The following MLF1 variants were observed in gnomAD, a reference collection of about 807,000 sequenced individuals.
MLF1 encodes myelodysplasia-myeloid leukemia factor 1.
Under a neutral mutation model 38.3 loss-of-function variants are expected in MLF1, and 37 were observed. The ratio of observed to expected loss-of-function variants is 0.96; its 90% CI spans 0.74 to 1.27. The LOEUF is 1.27. MLF1 is among the 50% of genes most tolerant of loss of function. The probability of loss-of-function intolerance (pLI) is 0.00; values close to 1 mark genes in which losing one functional copy is unlikely to be tolerated. For missense variants in MLF1, 331 were observed against 349.2 expected, an observed-to-expected ratio of 0.95 and a Z score of 0.42; for synonymous variants, 95 against 106.5, an observed-to-expected ratio of 0.89 and a Z score of 0.66.
At chr3:158,571,501 AG>A (rs1359653299) in intron 1 of MLF1, 154 bp downstream of exon 1, 2 of 855,114 alleles carry the variant, frequency 2.3e-6, no homozygotes, top group African/African-American at 3.4e-5. Context: ...GAGGCCTGGG[AG>A]GGAAGAGAGA....
chr3:158,592,454 G>A lies in MLF1; in HGVS notation c.68G>A (p.Arg23Gln), dbSNP rs766876516. Residue 23 changes from arginine (R) to glutamine (Q), a missense_variant, in exon 2 of 8, where the codon CGA (arginine) becomes CAA (glutamine). Physicochemically the swap from Arg to Gln is conservative, Grantham distance 43 (BLOSUM62 1). Transcript: ENST00000466246. ...PFFSESILAH[R>Q]ENMRQMIRSF... ...AACAGTGAGTCCATTCTTGCACACC[G>A]AGAAAATATGCGACAGATGATAAGA... 3.9e-5 allele frequency: 62 copies of A among 1,607,386 alleles called. No individual in the cohort carries two copies. Among genetic ancestry groups the A allele is most frequent in the East Asian group, 3.8e-4 (17 of 44,708 alleles).
At chr3:158,583,683 C>T (rs1239372705) in intron 1 of MLF1, among the ~76,000 whole-genome samples, 2 of 152,190 alleles carry the variant, frequency 1.3e-5, no homozygotes, top group African/African-American at 2.4e-5. Context: ...AATTCAATTC[C>T]GTGGAAGTAA....
intron 1 of MLF1, among the ~76,000 whole-genome samples, chr3:158,584,186 T>A (rs187252839): frequency 2.4e-3 from 368 of 152,066 alleles, no homozygotes; most frequent in African/African-American, 8.6e-3. Context: ...GGGAGAGAAG[T>A]CCCCAAAAGG....
chr3:158,586,164 CAA>C (rs11297914), intron 1 of MLF1, among the ~76,000 whole-genome samples: 102 of 125,098 alleles, frequency 8.2e-4, no homozygotes, highest in African/African-American at 1.4e-3. Flanking sequence ...AACTCTGTCT[CAA>C]AAAAAAAAAA....
At chr3:158,590,177 C>G (rs1280083644) in intron 1 of MLF1, among the ~76,000 whole-genome samples, 6 of 152,140 alleles carry the variant, frequency 3.9e-5, no homozygotes, top group Admixed American at 3.3e-4. Flanking sequence ...ATAAAGAACT[C>G]TTATAACCTG....
chr3:158,600,109 A>C lies in MLF1; in HGVS notation c.549A>C (p.Lys183Asn). The part of the protein sequence containing the change: ...HHIHDRAHVI[K>N]KSKNKKTGDE... Reference sequence around the variant, plus strand: ...TCCATGACCGAGCTCATGTCATTAAAAAGTCAAAGAACAAGAAGACTGGAG... The same window carrying C: ...TCCATGACCGAGCTCATGTCATTAACAAGTCAAAGAACAAGAAGACTGGAG... The change falls in exon 6 of 8, where the codon AAA becomes AAC. Residue 183 changes from lysine to asparagine, a missense_variant. By Grantham distance (94) the Lys-to-Asn change is moderately conservative (BLOSUM62 0). Transcript: ENST00000466246. 6.7e-7 allele frequency: 1 copy of C among 1,483,340 alleles called. No individual in the cohort carries two copies. Among genetic ancestry groups the C allele is most frequent in the Non-Finnish European group, 9.0e-7 (1 of 1,109,448 alleles). 91.9% of individuals were successfully genotyped at this position (1,483,340 alleles called of 1,614,324 possible). A position where few individuals can be genotyped will look rare whatever the true frequency, so the allele number is the denominator to read the frequency against.
chr3:158,587,714 G>A (rs1717446311), intron 1 of MLF1, among the ~76,000 whole-genome samples: 1 of 152,224 alleles, frequency 6.6e-6, no homozygotes, highest in African/African-American at 2.4e-5. Context: ...AAAAGAGCAT[G>A]GCTTGGCCTG....
intron 6 of MLF1, 57 bp downstream of exon 6, chr3:158,600,230 CTT>C (rs929414646): frequency 1.7e-4 from 183 of 1,085,548 alleles, no homozygotes; most frequent in Non-Finnish European, 1.8e-4. Context: ...AACAGCCGTA[CTT>C]GATGAATTTT....
At chr3:158,590,109 T>A (rs1325226641) in intron 1 of MLF1, among the ~76,000 whole-genome samples, 2 of 152,178 alleles carry the variant, frequency 1.3e-5, no homozygotes, top group African/African-American at 4.8e-5. Flanking sequence ...AAAAGGCAAG[T>A]CCAAGACTGG....
At position 158,571,325 on chromosome 3, in the gene MLF1, T is replaced by A; in HGVS notation, c.25T>A (p.Phe9Ile). Residue 9 changes from phenylalanine (F) to isoleucine (I), a missense_variant, in exon 1 of 8, where the codon TTT becomes ATT. Phe to Ile is a conservative substitution (Grantham distance 21). Transcript: ENST00000466246. MFRMLNSS[F>I]EDDPFFSESI... ...AATGTTCAGGATGCTGAACAGCAGT[T>A]TTGAGGATGACCCCTTCTTCTCGTG... is the stretch of plus-strand genomic sequence containing the variant. The A allele has an allele frequency of 6.2e-7, 1 of 1,612,748 alleles. No individual in the cohort carries two copies.
intron 3 of MLF1, among the ~76,000 whole-genome samples, chr3:158,594,310 G>A (rs1718584151): frequency 6.6e-6 from 1 of 152,108 alleles, no homozygotes; most frequent in African/African-American, 2.4e-5. Context: ...CAGAAAAGGA[G>A]GGAGGGGAAA....
chr3:158,584,018 T>C (rs1716821506), intron 1 of MLF1, among the ~76,000 whole-genome samples: 1 of 152,136 alleles, frequency 6.6e-6, no homozygotes, highest in Non-Finnish European at 1.5e-5. Context: ...AAAGCAGATA[T>C]ATGCTGGAGA....
intron 1 of MLF1, among the ~76,000 whole-genome samples, chr3:158,576,409 T>A (rs1047175114): frequency 2.2e-4 from 34 of 152,320 alleles, no homozygotes; most frequent in African/African-American, 6.7e-4. Context: ...TAAGTACATA[T>A]GTATAGACAA....
At chr3:158,599,131 G>A (rs971689365) in intron 5 of MLF1, among the ~76,000 whole-genome samples, 4 of 152,124 alleles carry the variant, frequency 2.6e-5, no homozygotes, top group South Asian at 2.1e-4. Context: ...AAATATGAAT[G>A]TACCATGATT....
intron 6 of MLF1, among the ~76,000 whole-genome samples, chr3:158,602,073 C>T (rs1279466936): frequency 6.6e-6 from 1 of 152,050 alleles, no homozygotes; most frequent in Non-Finnish European, 1.5e-5. Context: ...ACCTCAGCCT[C>T]CCAAAGTGCC....
intron 6 of MLF1, 53 bp downstream of exon 6, chr3:158,600,226 C>T (rs2639656): frequency 0.87 from 981,240 of 1,122,874 alleles, 430,171 homozygotes; most frequent in East Asian, 1. Flanking sequence ...AAATAACAGC[C>T]GTACTTGATG....
At chr3:158,591,294 G>A (rs954333001) in intron 1 of MLF1, 5 of 386,924 alleles carry the variant, frequency 1.3e-5, no homozygotes, top group African/African-American at 1.1e-4. Flanking sequence ...GGAGTAGCTG[G>A]GATTATAGGC....
At chr3:158,595,220 C>A (rs1718713521) in intron 3 of MLF1, among the ~76,000 whole-genome samples, 1 of 151,950 alleles carries the variant, frequency 6.6e-6, no homozygotes, top group African/African-American at 2.4e-5. Context: ...CCAGCGGTGG[C>A]CTTTCTCAGG....
intron 4 of MLF1, among the ~76,000 whole-genome samples, chr3:158,597,668 T>C (rs1267771669): frequency 6.6e-6 from 1 of 152,098 alleles, no homozygotes; most frequent in African/African-American, 2.4e-5. Context: ...CGAAACTTGA[T>C]GTATAACTAA....
Sources: gnomAD v4.1 joint callset for allele counts (sites outside exome capture counted in the v4.1 genomes callset) on GRCh38, gnomAD v4.1.1 for gene constraint, MANE v1.5 for transcripts, NCBI Gene and HGNC (gene_info 2026-07-23, HGNC 2026-07-21) for gene names.